Variants in SAMD11 observed in about 807,000 individuals in gnomAD.
SAMD11 encodes the protein sterile alpha motif domain-containing protein 11.
A neutral mutation model predicts 64.4 loss-of-function variants in SAMD11; 77 were observed. That is an observed-to-expected ratio of 1.20 (90% CI 0.99 to 1.44). The LOEUF is 1.44. SAMD11 is among the 40% of genes most tolerant of loss of function. SAMD11 has a pLI of 0.00. For synonymous variants in SAMD11, 658 were observed against 421.9 expected, an observed-to-expected ratio of 1.56 and a Z score of -6.86; for missense variants, 1,402 against 943.3, an observed-to-expected ratio of 1.49 and a Z score of -6.37.
rs751700615 is a variant in SAMD11, at chr1:939,298, C to G, written c.1081C>G (p.Leu361Val). The change falls in exon 7 of 14, where the codon CTG becomes GTG. Residue 361 changes from leucine to valine, a missense_variant. Physicochemically the swap from Leu to Val is conservative, Grantham distance 32. Transcript: ENST00000616016. Reference sequence around the variant, plus strand: ...AGAGGCGCTGCTGCTGCCGCGGGAGCTGGGGCCCAGCATGGCCCCGGAGGA... The same window carrying G: ...AGAGGCGCTGCTGCTGCCGCGGGAGGTGGGGCCCAGCATGGCCCCGGAGGA... Reference protein sequence around the residue: ...PQEALLLPRELGPSMAPEDHY... With the variant: ...PQEALLLPREVGPSMAPEDHY... The G allele has an allele frequency of 6.2e-7, 1 of 1,609,382 alleles. No homozygotes were observed. The highest frequency in any genetic ancestry group is 1.1e-5 in the South Asian group (1 of 90,302).
chr1:937,696 G>GC lies in SAMD11; in HGVS notation c.968-1338dup, dbSNP rs975198489. 1.8e-3 allele frequency among the ~76,000 whole-genome samples: 275 copies of GC among 152,208 alleles called. 1 individual carries two copies. Among genetic ancestry groups the GC allele is most frequent in the Non-Finnish European group, 1.8e-3 (125 of 67,992 alleles). ...TGCCTGGATCCGTGTGTGGCCAGGT[G>GC]CCCCCCGCCGCCCGCCGGGCCCAGC... On this transcript the variant is annotated intron_variant, in intron 5 of 13. Coordinates refer to ENST00000616016, the MANE Select transcript of SAMD11 (RefSeq NM_001385641.1).
rs571184504 is a variant in SAMD11, at chr1:939,278, C to T, written c.1061C>T (p.Ala354Val). ...CACCCCGGGTCCTCCCCAGCAGAGG[C>T]GCTGCTGCTGCCGCGGGAGCTGGGG... ...KRARSESPQEALLLPRELGPS... is the reference protein window; with the variant it reads ...KRARSESPQEVLLLPRELGPS... Residue 354 changes from alanine to valine, a missense_variant, in exon 7 of 14, where the codon GCG (alanine) becomes GTG (valine). By Grantham distance (64) the Ala-to-Val change is moderately conservative. Transcript: ENST00000616016. The T allele has an allele frequency of 3.0e-5, 48 of 1,598,570 alleles. No homozygotes were observed. The Middle Eastern group carries it at 8.3e-4, about 28-fold the overall frequency.
chr1:942,219 T>A lies in SAMD11; in HGVS notation c.1442T>A (p.Leu481Gln), dbSNP rs1009501277. The A allele has an allele frequency of 1.5e-6, 2 of 1,358,396 alleles. No homozygotes were observed. The highest frequency in any genetic ancestry group is 1.9e-6 in the Non-Finnish European group (2 of 1,049,004). The allele number at this position is 1,358,396 out of a possible 1,614,324, so 84.1% of individuals were successfully genotyped here. A position where few individuals can be genotyped will look rare whatever the true frequency, so the allele number is the denominator to read the frequency against. Reference protein sequence around the residue: ...ALGPHLRPPFLGVPSALCQTP... With the variant: ...ALGPHLRPPFQGVPSALCQTP... ...GGCCCCCATCTCAGGCCCCCCTTCC[T>A]GGGGGTGCCCTCGGCTCTGTGCCAG... is the stretch of plus-strand genomic sequence containing the variant. Residue 481 changes from leucine (L) to glutamine (Q), a missense_variant, in exon 9 of 14, where the codon CTG (leucine) becomes CAG (glutamine). Physicochemically the swap from Leu to Gln is moderately radical, Grantham distance 113 (BLOSUM62 -2). Coordinates refer to ENST00000616016, the MANE Select transcript of SAMD11 (RefSeq NM_001385641.1).
In SAMD11 at chr1:942,813, C is replaced by T. The variant is rs566827243; in HGVS notation, c.1808C>T (p.Ala603Val). 2 of 1,547,584 alleles carry T rather than the reference C, an allele frequency of 1.3e-6. No individual in the cohort carries two copies. Among genetic ancestry groups the T allele is most frequent in the Non-Finnish European group, 1.7e-6 (2 of 1,146,120 alleles). ...RAPRKGGPGPASARPSESKEM... is the reference protein window; with the variant it reads ...RAPRKGGPGPVSARPSESKEM... ...CCCCGGAAGGGGGGTCCCGGCCCTG[C>T]CTCAGCGCGGCCCAGCGAGTCCAAG... The change falls in exon 11 of 14, where the codon GCC (alanine) becomes GTC (valine). Residue 603 changes from alanine to valine, a missense_variant. Transcript: ENST00000616016.
Position 924,511 on chromosome 1 carries a change from C to T in SAMD11, c.80C>T (p.Ala27Val), listed in dbSNP as rs1330252208. Residue 27 changes from alanine (A) to valine (V), a missense_variant, in exon 1 of 14, where the codon GCG (alanine) becomes GTG (valine). By Grantham distance (64) the Ala-to-Val change is moderately conservative (BLOSUM62 0). Coordinates refer to ENST00000616016, the MANE Select transcript of SAMD11 (RefSeq NM_001385641.1). ...ALATFHPTLA[A>V]LPLPPLPGYL... ...GCCACGTTCCACCCGACCCTGGCCG[C>T]GCTGCCGCTGCCGCCGCTGCCAGGC... is the stretch of plus-strand genomic sequence containing the variant. 3 of 149,938 alleles carry T rather than the reference C, an allele frequency of 2.0e-5. No homozygotes were observed. Among genetic ancestry groups the T allele is most frequent in the Non-Finnish European group, 4.5e-5 (3 of 66,938 alleles). 9.3% of individuals were successfully genotyped at this position (149,938 alleles called of 1,614,324 possible). A position where few individuals can be genotyped will look rare whatever the true frequency, so the allele number is the denominator to read the frequency against.
Position 944,076 on chromosome 1 carries a change from C to T in SAMD11, c.2458C>T (p.Gln820Ter). Residue 820 changes from glutamine to a stop codon, truncating the protein, a stop_gained, in exon 14 of 14, where the codon CAA becomes TAA. Transcript: ENST00000616016. LOFTEE classifies it high-confidence loss of function. ...PYGGGHALAG[Q>*]TSPKQENGTL... is the part of the protein sequence containing the mutation. ...TGGAGGGGGCCACGCCCTTGCCGGTCAAACTTCACCCAAGCAGGAGAATGG... is the reference window on the plus strand; with the variant it reads ...TGGAGGGGGCCACGCCCTTGCCGGTTAAACTTCACCCAAGCAGGAGAATGG... The T allele has an allele frequency of 6.2e-7, 1 of 1,612,576 alleles. No individual in the cohort carries two copies.
chr1:932,533 C>T (rs543890042), intron 4 of SAMD11, among the ~76,000 whole-genome samples: 2 of 152,358 alleles, frequency 1.3e-5, no homozygotes, highest in East Asian at 1.9e-4. Flanking sequence ...CTGAAGCCTC[C>T]GCCTGTTGAC....
chr1:944,460 C>A lies in SAMD11; in HGVS notation c.*307C>A, dbSNP rs1004162819. On this transcript the variant is annotated 3_prime_UTR_variant, in exon 14 of 14. Transcript: ENST00000616016. ...GCTGACGTCAGGGTCAGCTCCCCCG[C>A]GGAGCTGACTTCAGCAGCCCACAGC... 2 of 802,454 alleles carry A rather than the reference C, an allele frequency of 2.5e-6. No individual in the cohort carries two copies. The highest frequency in any genetic ancestry group is 1.8e-6 in the Non-Finnish European group (1 of 546,496). The allele number at this position is 802,454 out of a possible 1,614,324, so 49.7% of individuals were successfully genotyped here.
At chr1:931,208 C>A in intron 4 of SAMD11, 119 bp downstream of exon 4, 1 of 912,904 alleles carries the variant, frequency 1.1e-6, no homozygotes, top group Non-Finnish European at 1.7e-6. Context: ...TGCTGTGATG[C>A]TGGCTGAGTG....
chr1:928,790 T>C (rs1302756253), intron 2 of SAMD11, among the ~76,000 whole-genome samples: 2 of 152,168 alleles, frequency 1.3e-5, no homozygotes, highest in South Asian at 2.1e-4. Flanking sequence ...GGCCTCCACC[T>C]GGGTGGGGGG....
In SAMD11 at chr1:943,916, G is replaced by T. The variant is rs927194669; in HGVS notation, c.2298G>T (p.Arg766Ser). The change falls in exon 14 of 14, where the codon AGG becomes AGT. Residue 766 changes from arginine (R) to serine (S), a missense_variant. Arg to Ser is a moderately radical substitution (Grantham distance 110). Coordinates refer to ENST00000616016, the MANE Select transcript of SAMD11 (RefSeq NM_001385641.1). ...PALKIRAQVARRLGRVFYVAS... is the reference protein window; with the variant it reads ...PALKIRAQVASRLGRVFYVAS... Reference sequence around the variant, plus strand: ...AGGCCATCTCTCTGCAGGTGGCCAGGCGCCTGGGCCGAGTTTTCTACGTGG... The same window carrying T: ...AGGCCATCTCTCTGCAGGTGGCCAGTCGCCTGGGCCGAGTTTTCTACGTGG... 1.9e-6 allele frequency: 3 copies of T among 1,612,648 alleles called. No homozygotes were observed. In the African/African-American group the frequency reaches 4.0e-5, roughly 22 times the overall value.
intron 5 of SAMD11, among the ~76,000 whole-genome samples, chr1:937,725 C>G (rs916848034): frequency 2.6e-5 from 4 of 152,176 alleles, no homozygotes; most frequent in South Asian, 2.1e-4. Flanking sequence ...GCCCAGCCAC[C>G]CGATCTGTCA....
rs1221076375 is a variant in SAMD11 at position 942,770 on chromosome 1, G to C, written c.1765G>C (p.Asp589His). 6.5e-7 allele frequency: 1 copy of C among 1,533,994 alleles called. No individual in the cohort carries two copies. Among genetic ancestry groups the C allele is most frequent in the East Asian group, 2.5e-5 (1 of 39,600 alleles). Residue 589 changes from aspartate (D) to histidine (H), a missense_variant, in exon 11 of 14, where the codon GAC (aspartate) becomes CAC (histidine). Physicochemically the swap from Asp to His is moderately conservative, Grantham distance 81. Coordinates refer to ENST00000616016, the MANE Select transcript of SAMD11 (RefSeq NM_001385641.1). ...CTCCGGACCCCCCACCCCGTCCCGG[G>C]ACTCTGCCCGGCGAGCCCCCCGGAA... is the stretch of plus-strand genomic sequence containing the variant. The part of the protein sequence containing the change: ...PGSGPPTPSR[D>H]SARRAPRKGG...
chr1:943,309 A>G lies in SAMD11; in HGVS notation c.2110A>G (p.Thr704Ala), dbSNP rs375057136. The change falls in exon 12 of 14, where the codon ACC (threonine) becomes GCC (alanine). Residue 704 changes from threonine (T) to alanine (A), a missense_variant. Physicochemically the swap from Thr to Ala is moderately conservative, Grantham distance 58. Transcript: ENST00000616016. ...GGAGGCCCCAGCCCCTGAGGACGTCACCAAGTGGACCGTGGATGACGTCTG... is the reference window on the plus strand; with the variant it reads ...GGAGGCCCCAGCCCCTGAGGACGTCGCCAAGTGGACCGTGGATGACGTCTG... ...GEEAPAPEDV[T>A]KWTVDDVCSF... The G allele has an allele frequency of 1.9e-6, 3 of 1,611,742 alleles. No homozygotes were observed. Among genetic ancestry groups the G allele is most frequent in the South Asian group, 1.1e-5 (1 of 91,022 alleles).
At chr1:931,877 G>A (rs570967442) in intron 4 of SAMD11, among the ~76,000 whole-genome samples, 1 of 152,338 alleles carries the variant, frequency 6.6e-6, no homozygotes, top group Admixed American at 6.5e-5. Flanking sequence ...GAAGCGAGTG[G>A]TAAGTCTGTG....
Position 943,086 on chromosome 1 carries a change from C to T in SAMD11, c.2053+28C>T, listed in dbSNP as rs1202056707. On this transcript the variant is annotated intron_variant, in intron 11 of 13. Coordinates refer to ENST00000616016, the MANE Select transcript of SAMD11 (RefSeq NM_001385641.1). The stretch of plus-strand genomic sequence containing the variant: ...GGGCACCCCCACACTCTAGATCCTT[C>T]CAGAGGGCACAGGACTGGCAGGCCG... The T allele has an allele frequency of 5.2e-6, 8 of 1,547,800 alleles. No homozygotes were observed. The Admixed American group carries it at 1.5e-4, about 29-fold the overall frequency.
At position 942,394 on chromosome 1, in the gene SAMD11, T is replaced by TC; in HGVS notation, c.1475-11dup. ...CCTCGGACCCCCCGACCCCGCGTTG[T>TC]CCCCCTCCCCACCAGGCTACGGCTT... On this transcript the variant is annotated splice_polypyrimidine_tract_variant and intron_variant, in intron 9 of 13. Coordinates refer to ENST00000616016, the MANE Select transcript of SAMD11 (RefSeq NM_001385641.1). 1 of 1,420,464 alleles carries TC rather than the reference T, an allele frequency of 7.0e-7. No individual in the cohort carries two copies. The allele number at this position is 1,420,464 out of a possible 1,614,324, so 88.0% of individuals were successfully genotyped here. A position where few individuals can be genotyped will look rare whatever the true frequency, so the allele number is the denominator to read the frequency against.
At chr1:933,745 G>GC (rs1641278752) in intron 4 of SAMD11, among the ~76,000 whole-genome samples, 1 of 151,510 alleles carries the variant, frequency 6.6e-6, no homozygotes, top group Non-Finnish European at 1.5e-5. Flanking sequence ...TGTGCCTGGG[G>GC]GGGGCTTCCT....
chr1:929,629 C>T (rs888705909), intron 2 of SAMD11, among the ~76,000 whole-genome samples: 27 of 152,210 alleles, frequency 1.8e-4, no homozygotes, highest in African/African-American at 5.8e-4. Context: ...ACGGAGGGAA[C>T]GTGCGCATTT....
Sources: allele counts gnomAD v4.1 joint callset (sites outside exome capture counted in the v4.1 genomes callset), GRCh38; gene constraint gnomAD v4.1.1; transcripts MANE v1.5; gene names NCBI Gene and HGNC (gene_info 2026-07-23, HGNC 2026-07-21).